Variants in TRIO observed in about 807,000 individuals in gnomAD.
The protein encoded by TRIO is trio Rho guanine nucleotide exchange factor.
A neutral mutation model predicts 351.9 loss-of-function variants in TRIO; 58 were observed. The ratio of observed to expected loss-of-function variants is 0.16; its 90% CI spans 0.13 to 0.21. The LOEUF (loss-of-function observed/expected upper bound fraction) is 0.21. Among genes scored for constraint, TRIO ranks in the 10% least tolerant of loss-of-function variants. TRIO has a pLI of 1.00. For synonymous variants in TRIO, 1,758 were observed against 1,595.7 expected, an observed-to-expected ratio of 1.10 and a Z score of -2.42; for missense variants, 3,201 against 4,027.8, an observed-to-expected ratio of 0.79 and a Z score of 5.56.
chr5:14,147,961 G>A (rs897667853), intron 1 of TRIO, among the ~76,000 whole-genome samples: 2 of 152,354 alleles, frequency 1.3e-5, no homozygotes, highest in Middle Eastern at 3.4e-3. Flanking sequence ...AGGTGGCACA[G>A]TCAGTTTTAG....
intron 27 of TRIO, among the ~76,000 whole-genome samples, chr5:14,391,602 G>A (rs1420594203): frequency 1.3e-5 from 2 of 152,234 alleles, no homozygotes; most frequent in Admixed American, 6.5e-5. Flanking sequence ...GCTTTAGAAC[G>A]TGATACACAG....
At chr5:14,285,261 A>T (rs1417674087) in intron 3 of TRIO, among the ~76,000 whole-genome samples, 1 of 152,100 alleles carries the variant, frequency 6.6e-6, no homozygotes, top group Non-Finnish European at 1.5e-5. Flanking sequence ...CATCGTTCCT[A>T]ATCAGTTTTC....
intron 34 of TRIO, among the ~76,000 whole-genome samples, chr5:14,443,765 C>T (rs1752238531): frequency 6.6e-6 from 1 of 152,140 alleles, no homozygotes; most frequent in African/African-American, 2.4e-5. Context: ...CAGACATGAG[C>T]CAGGAGAGTT....
intron 34 of TRIO, among the ~76,000 whole-genome samples, chr5:14,428,678 T>A (rs916843949): frequency 1.3e-5 from 2 of 152,248 alleles, no homozygotes; most frequent in African/African-American, 4.8e-5. Flanking sequence ...TACATTAAAG[T>A]GTTTATTAAA....
chr5:14,390,453 C>A, intron 26 of TRIO, 153 bp downstream of exon 26: 2 of 685,142 alleles, frequency 2.9e-6, no homozygotes, highest in Non-Finnish European at 4.9e-6. Context: ...TTGCATACTT[C>A]AACTAATTGT....
chr5:14,339,625 A>T (rs1741752126), intron 11 of TRIO, among the ~76,000 whole-genome samples: 1 of 152,136 alleles, frequency 6.6e-6, no homozygotes, highest in Non-Finnish European at 1.5e-5. Flanking sequence ...CCAAGGAGGG[A>T]TCGGGGCCCA....
chr5:14,317,607 G>T (rs928465816), intron 9 of TRIO, among the ~76,000 whole-genome samples: 1 of 152,160 alleles, frequency 6.6e-6, no homozygotes, highest in African/African-American at 2.4e-5. Flanking sequence ...TTGGAGAGTC[G>T]CCCTGTGTTC....
chr5:14,471,479 T>C lies in TRIO; in HGVS notation c.5912+13T>C, dbSNP rs1214241186. ...TAAAGAGAAGACAGTAAGACAGAAA[T>C]GTTTTCATTCTTATTGTTCTCTGGG... On this transcript the variant is annotated intron_variant, in intron 38 of 56. Transcript: ENST00000344204. 1.2e-6 allele frequency: 2 copies of C among 1,613,806 alleles called. No homozygotes were observed. Among genetic ancestry groups the C allele is most frequent in the Non-Finnish European group, 1.7e-6 (2 of 1,179,878 alleles).
intron 1 of TRIO, among the ~76,000 whole-genome samples, chr5:14,266,528 T>A (rs1795688526): frequency 6.6e-6 from 1 of 152,246 alleles, no homozygotes; most frequent in African/African-American, 2.4e-5. Flanking sequence ...GGGTGCAGAT[T>A]TAACATTTAT....
intron 33 of TRIO, among the ~76,000 whole-genome samples, 196 bp from the exon 34 acceptor site, chr5:14,419,582 C>A (rs1749941464): frequency 6.6e-6 from 1 of 152,144 alleles, no homozygotes; most frequent in African/African-American, 2.4e-5. Context: ...TAGAATGTCT[C>A]AGGTTCAAGA....
rs980339197 is a variant in TRIO, at chr5:14,262,099, C to T, written c.158-8726C>T. Among the ~76,000 whole-genome samples the T allele has an allele frequency of 3.9e-5, 6 of 152,192 alleles. 1 individual carries two copies. Among genetic ancestry groups the T allele is most frequent in the South Asian group, 4.1e-4 (2 of 4,828 alleles). ...AGCTGGGTGTTAAGTTCATGCTCTG[C>T]GCCATGGCAGTCTGCTCAGTGAGAC... is the stretch of plus-strand genomic sequence containing the variant. On this transcript the variant is annotated intron_variant, in intron 1 of 56. Coordinates refer to ENST00000344204, the MANE Select transcript of TRIO (RefSeq NM_007118.4).
intron 9 of TRIO, among the ~76,000 whole-genome samples, chr5:14,317,129 G>A (rs944463605): frequency 3.9e-5 from 6 of 152,304 alleles, no homozygotes; most frequent in East Asian, 1.9e-4. Flanking sequence ...CACTTCCCAC[G>A]TGGTAGGTAG....
chr5:14,307,127 G>T (rs577662628), intron 8 of TRIO, among the ~76,000 whole-genome samples: 3 of 152,294 alleles, frequency 2.0e-5, no homozygotes, highest in African/African-American at 7.2e-5. Flanking sequence ...CAGGAAAGTG[G>T]TAGAATAGCA....
At chr5:14,224,729 G>C (rs1368687399) in intron 1 of TRIO, among the ~76,000 whole-genome samples, 3 of 152,230 alleles carry the variant, frequency 2.0e-5, no homozygotes, top group East Asian at 3.9e-4. Context: ...GTTGTTTTTG[G>C]AGGACTTAAC....
intron 1 of TRIO, among the ~76,000 whole-genome samples, chr5:14,218,189 A>C (rs1311145460): frequency 6.6e-6 from 1 of 152,198 alleles, no homozygotes; most frequent in African/African-American, 2.4e-5. Flanking sequence ...TGTGTCAGTA[A>C]GCAGTTAAGT....
In TRIO at chr5:14,508,923, C is replaced by G. The variant is rs576548259; in HGVS notation, c.*501C>G. ...TCGTCTGTGTGCATCTCACGCCCGACGTGGCTTCTGAAACGTGCATTCAAC... is the reference window on the plus strand; with the variant it reads ...TCGTCTGTGTGCATCTCACGCCCGAGGTGGCTTCTGAAACGTGCATTCAAC... On this transcript the variant is annotated 3_prime_UTR_variant, in exon 57 of 57. Coordinates refer to ENST00000344204, the MANE Select transcript of TRIO (RefSeq NM_007118.4). 6.1e-6 allele frequency: 1 copy of G among 163,292 alleles called. No individual in the cohort carries two copies. The highest frequency in any genetic ancestry group is 2.4e-5 in the African/African-American group (1 of 41,460). The allele number at this position is 163,292 out of a possible 1,614,324, so 10.1% of individuals were successfully genotyped here. A position where few individuals can be genotyped will look rare whatever the true frequency, so the allele number is the denominator to read the frequency against.
At chr5:14,420,184 C>G in intron 34 of TRIO, 163 bp downstream of exon 34, 1 of 1,062,668 alleles carries the variant, frequency 9.4e-7, no homozygotes, top group South Asian at 1.7e-5. Flanking sequence ...CCATCAGCAC[C>G]TGAAGAGGAA....
intron 1 of TRIO, among the ~76,000 whole-genome samples, chr5:14,194,048 T>A (rs917216040): frequency 3.3e-5 from 5 of 152,208 alleles, no homozygotes; most frequent in Non-Finnish European, 7.3e-5. Flanking sequence ...AAACCCTCCA[T>A]GCAGTGAGTC....
chr5:14,333,566 A>G (rs911056429), intron 10 of TRIO, among the ~76,000 whole-genome samples: 4 of 152,228 alleles, frequency 2.6e-5, no homozygotes, highest in African/African-American at 7.2e-5. Context: ...AGCAAATATA[A>G]TGAAAGTATT....
Sources: allele counts gnomAD v4.1 joint callset (sites outside exome capture counted in the v4.1 genomes callset), GRCh38; gene constraint gnomAD v4.1.1; transcripts MANE v1.5; gene names NCBI Gene and HGNC (gene_info 2026-07-23, HGNC 2026-07-21).